Variants in MED13L observed in about 807,000 individuals in gnomAD.
The protein encoded by MED13L is mediator complex subunit 13L.
In MED13L, 7 loss-of-function variants were observed where a neutral mutation model predicts 220.9. The ratio of observed to expected loss-of-function variants is 0.03; its 90% CI spans 0.02 to 0.06. The LOEUF (loss-of-function observed/expected upper bound fraction) is 0.06, where lower values mean the gene tolerates loss of function less well. Among genes scored for constraint, MED13L ranks in the 10% least tolerant of loss-of-function variants. The probability of loss-of-function intolerance (pLI) is 1.00; values close to 1 mark genes in which losing one functional copy is unlikely to be tolerated. For synonymous variants in MED13L, 1,011 were observed against 1,015.2 expected, an observed-to-expected ratio of 1.00 and a Z score of 0.08; for missense variants, 1,965 against 2,760.5, an observed-to-expected ratio of 0.71 and a Z score of 6.46.
intron 1 of MED13L, among the ~76,000 whole-genome samples, chr12:116,256,682 C>CTTTTTTTTTTTTT (rs35608298): frequency 1.0e-5 from 1 of 96,236 alleles, no homozygotes; most frequent in Non-Finnish European, 1.9e-5. Flanking sequence ...AAACAAACTA[C>CTTTTTTTTTTTTT]TTTTTTTTTT....
At chr12:116,061,174 G>C (rs999409811) in intron 4 of MED13L, among the ~76,000 whole-genome samples, 6 of 152,010 alleles carry the variant, frequency 3.9e-5, no homozygotes, top group Admixed American at 1.3e-4. Flanking sequence ...GGTGGGTAGA[G>C]GACAAGATTT....
rs149318286 is a variant in MED13L at position 115,990,085 on chromosome 12, G to A, written c.3934+935C>T. ...CTAGCCCCTGCATGCTTCTAACCTC[G>A]CGTCAGTTTCTAAAGGCCCCAAGCT... On this transcript the variant is annotated intron_variant, in intron 17 of 30. Coordinates refer to ENST00000281928, the MANE Select transcript of MED13L (RefSeq NM_015335.5). Among the ~76,000 whole-genome samples the A allele has an allele frequency of 3.4e-3, 518 of 152,138 alleles. 5 individuals carry two copies. Among genetic ancestry groups the A allele is most frequent in the Middle Eastern group, 0.02 (6 of 294 alleles).
intron 1 of MED13L, among the ~76,000 whole-genome samples, chr12:116,258,781 A>AT (rs1347724513): frequency 2.6e-5 from 4 of 151,582 alleles, no homozygotes; most frequent in Admixed American, 2.6e-4. Flanking sequence ...ATCTCAGAAA[A>AT]AAAAAAAAAA....
chr12:116,169,914 G>C (rs943618844), intron 2 of MED13L, among the ~76,000 whole-genome samples: 1 of 152,202 alleles, frequency 6.6e-6, no homozygotes, highest in African/African-American at 2.4e-5. Flanking sequence ...CTACTTGGGA[G>C]GCTAAGGTGG....
intron 4 of MED13L, among the ~76,000 whole-genome samples, chr12:116,046,355 A>C (rs1407197822): frequency 6.6e-6 from 1 of 152,182 alleles, no homozygotes; most frequent in African/African-American, 2.4e-5. Flanking sequence ...AGAAAAAGTT[A>C]ATGCTCTGAT....
intron 1 of MED13L, among the ~76,000 whole-genome samples, chr12:116,263,925 G>A (rs1273495775): frequency 6.6e-6 from 1 of 152,144 alleles, no homozygotes; most frequent in Non-Finnish European, 1.5e-5. Context: ...TGAAAACAAA[G>A]TACACTGAAT....
chr12:116,184,188 C>G (rs1309963033), intron 2 of MED13L, among the ~76,000 whole-genome samples: 1 of 152,142 alleles, frequency 6.6e-6, no homozygotes, highest in African/African-American at 2.4e-5. Context: ...CAGAAACCCT[C>G]TGGTAAATTT....
At chr12:116,076,156 G>A (rs1565864855) in intron 4 of MED13L, among the ~76,000 whole-genome samples, 2 of 151,930 alleles carry the variant, frequency 1.3e-5, no homozygotes, top group South Asian at 2.1e-4. Flanking sequence ...CTCGTGATCC[G>A]CCCGCCTCGG....
intron 30 of MED13L, 107 bp downstream of exon 30, chr12:115,963,300 C>T (rs1463033363): frequency 1.1e-5 from 10 of 901,664 alleles, no homozygotes; most frequent in East Asian, 1.0e-4. Flanking sequence ...ACTGCACAAA[C>T]GGCAGCTTCT....
intron 30 of MED13L, chr12:115,962,631 G>A (rs184737802): frequency 1.1e-4 from 16 of 152,276 alleles, no homozygotes; most frequent in African/African-American, 3.1e-4. Context: ...CATTAGAAAA[G>A]GCCTGTATAT....
chr12:116,262,184 T>C (rs1232949619), intron 1 of MED13L, among the ~76,000 whole-genome samples: 1 of 152,212 alleles, frequency 6.6e-6, no homozygotes, highest in Non-Finnish European at 1.5e-5. Flanking sequence ...ATGTATGGTC[T>C]GTTATTGTAT....
chr12:116,129,227 C>G (rs937068282), intron 2 of MED13L, among the ~76,000 whole-genome samples: 1 of 151,636 alleles, frequency 6.6e-6, no homozygotes, highest in Non-Finnish European at 1.5e-5. Context: ...TATTTATCAT[C>G]TATTTGAGGA....
chr12:116,191,665 T>C (rs887281446), intron 2 of MED13L, among the ~76,000 whole-genome samples: 3 of 151,948 alleles, frequency 2.0e-5, no homozygotes, highest in East Asian at 1.9e-4. Flanking sequence ...ATTAAAAAAT[T>C]AGAATTTTTT....
chr12:116,071,945 T>C (rs1870404574), intron 4 of MED13L, among the ~76,000 whole-genome samples: 1 of 152,232 alleles, frequency 6.6e-6, no homozygotes, highest in Admixed American at 6.5e-5. Context: ...GCTTATAAAT[T>C]AGCTCACTGA....
chr12:116,019,489 T>C, intron 6 of MED13L, 77 bp from the exon 7 acceptor site: 3 of 1,515,338 alleles, frequency 2.0e-6, no homozygotes, highest in African/African-American at 1.4e-5. Context: ...ATGATTCCAA[T>C]GGTGAAAATG....
intron 21 of MED13L, 69 bp from the exon 22 acceptor site, chr12:115,982,672 G>T: frequency 7.5e-7 from 1 of 1,325,612 alleles, no homozygotes; most frequent in Non-Finnish European, 1.1e-6. Context: ...AAACAAAAGG[G>T]CTCAATTCTA....
rs34377158 is a variant in MED13L, at chr12:115,967,170, C to CAAAAAA, written c.6226-933_6226-928dup. Among the ~76,000 whole-genome samples, 58 of 45,226 alleles carry CAAAAAA rather than the reference C, an allele frequency of 1.3e-3. 5 individuals are homozygous for CAAAAAA. The highest frequency in any genetic ancestry group is 1.6e-3 in the Admixed American group (6 of 3,712). The allele number at this position is 45,226 out of a possible 152,430, so 29.7% of individuals were successfully genotyped here. A position where few individuals can be genotyped will look rare whatever the true frequency, so the allele number is the denominator to read the frequency against. On this transcript the variant is annotated intron_variant, in intron 28 of 30. Transcript: ENST00000281928. ...TGAGCAACAGAGTGAGACTCTGTCT[C>CAAAAAA]AAAAAAAAAAAAAAAAAAAAAAAAA...
chr12:116,178,204 A>T (rs1176982837), intron 2 of MED13L, among the ~76,000 whole-genome samples: 3 of 152,188 alleles, frequency 2.0e-5, no homozygotes, highest in Non-Finnish European at 4.4e-5. Flanking sequence ...CAGAATTTTC[A>T]GCATCAGTTC....
intron 1 of MED13L, among the ~76,000 whole-genome samples, chr12:116,260,768 T>C (rs966169969): frequency 1.3e-5 from 2 of 152,198 alleles, no homozygotes; most frequent in East Asian, 3.8e-4. Flanking sequence ...ACAGATGGAA[T>C]GTCTATTTCA....
Sources: gnomAD v4.1 joint callset for allele counts (sites outside exome capture counted in the v4.1 genomes callset) on GRCh38, gnomAD v4.1.1 for gene constraint, MANE v1.5 for transcripts, NCBI Gene and HGNC (gene_info 2026-07-23, HGNC 2026-07-21) for gene names.